Variants in PHKG1 observed in about 807,000 individuals in gnomAD.
PHKG1 encodes phosphorylase kinase catalytic subunit gamma 1.
A neutral mutation model predicts 50.5 loss-of-function variants in PHKG1; 48 were observed. The observed-to-expected ratio is 0.95, with a 90% CI of 0.75 to 1.21. The LOEUF is 1.21. Ranked by LOEUF, PHKG1 falls within the 50% of genes most tolerant of loss-of-function variation. The pLI is 0.00. For missense variants in PHKG1, 487 were observed against 519.5 expected, an observed-to-expected ratio of 0.94 and a Z score of 0.61; for synonymous variants, 204 against 212.8, an observed-to-expected ratio of 0.96 and a Z score of 0.36.
rs1178308673 is a variant in PHKG1, at chr7:56,083,665, C to G, written c.368G>C (p.Ser123Thr). Residue 123 changes from serine (S) to threonine (T), a missense_variant, in exon 5 of 10, where the codon AGT (serine) becomes ACT (threonine). Physicochemically the swap from Ser to Thr is moderately conservative, Grantham distance 58. Coordinates refer to ENST00000297373, the MANE Select transcript of PHKG1 (RefSeq NM_006213.5). ...FDYLTEKVTLSEKETRKIMRA... is the reference protein window; with the variant it reads ...FDYLTEKVTLTEKETRKIMRA... ...GGACCCTCACCTGGTTTCCTTCTCA[C>G]TCAAGGTGACCTTCTCAGTGAGGTA... 7 of 1,584,220 alleles carry G rather than the reference C, an allele frequency of 4.4e-6. No homozygotes were observed. The highest frequency in any genetic ancestry group is 6.0e-6 in the Non-Finnish European group (7 of 1,162,412).
At chr7:56,084,711 AT>A in intron 4 of PHKG1, among the ~76,000 whole-genome samples, 1 of 152,206 alleles carries the variant, frequency 6.6e-6, no homozygotes, top group Non-Finnish European at 1.5e-5. Flanking sequence ...AATGGGAAGA[AT>A]CGGCTGTGCA....
At chr7:56,087,556 A>T in intron 3 of PHKG1, 42 bp downstream of exon 3, 1 of 1,588,080 alleles carries the variant, frequency 6.3e-7, no homozygotes, top group Non-Finnish European at 8.6e-7. Context: ...GGGCAGAATC[A>T]CAGGGGGGCA....
chr7:56,081,873 C>T lies in PHKG1; in HGVS notation c.792+20G>A. On this transcript the variant is annotated intron_variant, in intron 8 of 9. Coordinates refer to ENST00000297373, the MANE Select transcript of PHKG1 (RefSeq NM_006213.5). This position sits in a 1 kb window ranked among gnomAD's most constrained non-coding sequence, Gnocchi z 4.6. ...GCATCGCAGCCCTGAGCCCAGGAGCCAGTTGGCCTGGCCTCTCACCAGGTC... is the reference window on the plus strand; with the variant it reads ...GCATCGCAGCCCTGAGCCCAGGAGCTAGTTGGCCTGGCCTCTCACCAGGTC... The T allele has an allele frequency of 6.2e-7, 1 of 1,612,818 alleles. No homozygotes were observed. The highest frequency in any genetic ancestry group is 8.5e-7 in the Non-Finnish European group (1 of 1,179,644).
Position 56,083,728 on chromosome 7 carries a change from AG to A in PHKG1, c.318-14del, listed in dbSNP as rs781353551. ...CCCTCTCTTCATCCTGTGGAAACAG[AG>A]GGTTGATAGCTGGATCGGTCCCAAG... is the stretch of plus-strand genomic sequence containing the variant. On this transcript the variant is annotated splice_polypyrimidine_tract_variant and intron_variant, in intron 4 of 9. Transcript: ENST00000297373. The A allele has an allele frequency of 7.1e-6, 11 of 1,558,516 alleles. No homozygotes were observed. The highest frequency in any genetic ancestry group is 5.5e-5 in the Admixed American group (3 of 54,178).
intron 3 of PHKG1, among the ~76,000 whole-genome samples, chr7:56,087,306 C>CA (rs1300940158): frequency 6.6e-6 from 1 of 151,766 alleles, no homozygotes; most frequent in Non-Finnish European, 1.5e-5. Context: ...ACTGCAGCCT[C>CA]AAACTACTGG....
chr7:56,081,608 C>T lies in PHKG1; in HGVS notation c.918+22G>A, dbSNP rs1467841467. On this transcript the variant is annotated intron_variant, in intron 9 of 9. Coordinates refer to ENST00000297373, the MANE Select transcript of PHKG1 (RefSeq NM_006213.5). The surrounding 1 kb of genome is among the most constrained non-coding windows in gnomAD (Gnocchi z 4.6). ...GGTTTGCACTTAGGGAGCTGGCGGG[C>T]CTGGATCAGGACGCTTAGTACCTTG... The T allele has an allele frequency of 1.2e-6, 2 of 1,611,506 alleles. No homozygotes were observed. Among genetic ancestry groups the T allele is most frequent in the African/African-American group, 1.3e-5 (1 of 74,964 alleles).
In PHKG1 at chr7:56,088,853, C is replaced by T. The variant is rs754734900; in HGVS notation, c.83+6G>A. 1 of 1,608,686 alleles carries T rather than the reference C, an allele frequency of 6.2e-7. No individual in the cohort carries two copies. Among genetic ancestry groups the T allele is most frequent in the Admixed American group, 1.7e-5 (1 of 59,966 alleles). ...CAGCACTTCGTGGGGAAAGCTTGGGCTTTACCTGCCCAGGATCTCTTTGGG... is the reference window on the plus strand; with the variant it reads ...CAGCACTTCGTGGGGAAAGCTTGGGTTTTACCTGCCCAGGATCTCTTTGGG... On this transcript the variant is annotated splice_donor_region_variant and intron_variant, in intron 2 of 9. Transcript: ENST00000297373.
intron 4 of PHKG1, chr7:56,084,346 G>T: frequency 3.3e-6 from 2 of 599,458 alleles, no homozygotes; most frequent in Non-Finnish European, 5.8e-6. Context: ...CCCAGACCCA[G>T]ATCAGAAGGA....
In PHKG1 at chr7:56,081,623, T is replaced by C; in HGVS notation, c.918+7A>G. 1.2e-6 allele frequency: 2 copies of C among 1,613,358 alleles called. No individual in the cohort carries two copies. Among genetic ancestry groups the C allele is most frequent in the South Asian group, 2.2e-5 (2 of 91,058 alleles). ...AGCTGGCGGGCCTGGATCAGGACGC[T>C]TAGTACCTTGAACTTCCCCCGGGGG... On this transcript the variant is annotated splice_region_variant and intron_variant, in intron 9 of 9. Coordinates refer to ENST00000297373, the MANE Select transcript of PHKG1 (RefSeq NM_006213.5). The surrounding 1 kb of genome is among the most constrained non-coding windows in gnomAD (Gnocchi z 4.6).
Position 56,081,322 on chromosome 7 carries a change from TG to T in PHKG1, c.919-24del, listed in dbSNP as rs1795974730. The T allele has an allele frequency of 6.9e-6, 11 of 1,589,576 alleles. No individual in the cohort carries two copies. Among genetic ancestry groups the T allele is most frequent in the Non-Finnish European group, 9.4e-6 (11 of 1,173,612 alleles). ...CACCTGCAGGGCCAGGCGGAGAAGC[TG>T]GGCTGCAGCCCCCGCCCTGCCAGGC... On this transcript the variant is annotated intron_variant, in intron 9 of 9. Transcript: ENST00000297373. This position sits in a 1 kb window ranked among gnomAD's most constrained non-coding sequence, Gnocchi z 4.6.
At chr7:56,086,777 C>T in intron 4 of PHKG1, 193 bp downstream of exon 4, 1 of 593,782 alleles carries the variant, frequency 1.7e-6, no homozygotes. Flanking sequence ...AATGATCCAG[C>T]CCACAAGTGG....
At chr7:56,082,680 C>G (rs925214117) in intron 6 of PHKG1, among the ~76,000 whole-genome samples, 1 of 152,152 alleles carries the variant, frequency 6.6e-6, no homozygotes, top group Non-Finnish European at 1.5e-5. Flanking sequence ...CATCCACCAA[C>G]TTCAGGGCCC....
chr7:56,082,329 A>G (rs1398225244), intron 6 of PHKG1, 76 bp from the exon 7 acceptor site: 3 of 1,146,832 alleles, frequency 2.6e-6, no homozygotes, highest in African/African-American at 3.1e-5. Context: ...GCAGTGGCTC[A>G]TTTCTATAAT....
rs567095323 is a variant in PHKG1 at position 56,091,262 on chromosome 7, A to G, written c.-35+1574T>C. Among the ~76,000 whole-genome samples the G allele has an allele frequency of 2.5e-3, 376 of 152,112 alleles. 1 individual carries two copies. The highest frequency in any genetic ancestry group is 3.9e-3 in the Admixed American group (60 of 15,264). ...CTGGGCGCAGTGGCTCATGCCTGTA[A>G]TCCCAGCACTTTGGGAGGCCGAGGC... On this transcript the variant is annotated intron_variant, in intron 1 of 9. Coordinates refer to ENST00000297373, the MANE Select transcript of PHKG1 (RefSeq NM_006213.5).
intron 1 of PHKG1, among the ~76,000 whole-genome samples, chr7:56,091,620 C>T (rs1208983425): frequency 1.3e-5 from 2 of 152,236 alleles, no homozygotes; most frequent in Non-Finnish European, 2.9e-5. Flanking sequence ...ACCTGCCACT[C>T]AGCAGTGCCA....
At chr7:56,087,053 A>T (rs1402002403) in intron 3 of PHKG1, 29 bp from the exon 4 acceptor site, 1 of 1,594,114 alleles carries the variant, frequency 6.3e-7, no homozygotes, top group African/African-American at 1.3e-5. Context: ...GCTTGTCTCA[A>T]GTAGCAGGGG....
At chr7:56,085,781 A>G (rs963616190) in intron 4 of PHKG1, among the ~76,000 whole-genome samples, 2 of 151,988 alleles carry the variant, frequency 1.3e-5, no homozygotes, top group African/African-American at 2.4e-5. Context: ...ACTGGCCAAC[A>G]TGGCAAAACC....
At chr7:56,091,108 G>A (rs1050815630) in intron 1 of PHKG1, among the ~76,000 whole-genome samples, 1 of 152,180 alleles carries the variant, frequency 6.6e-6, no homozygotes, top group African/African-American at 2.4e-5. Flanking sequence ...CAGCTACTTG[G>A]AAGGCTGAGG....
In PHKG1 at chr7:56,087,629, G is replaced by C. The variant is rs780846650; in HGVS notation, c.231C>G (p.Ile77Met). The change falls in exon 3 of 10, where the codon ATC (isoleucine) becomes ATG (methionine). Residue 77 changes from isoleucine (I) to methionine (M), a missense_variant. By Grantham distance (10) the Ile-to-Met change is conservative (BLOSUM62 1). Coordinates refer to ENST00000297373, the MANE Select transcript of PHKG1 (RefSeq NM_006213.5). Reference protein sequence around the residue: ...LREATLKEVDILRKVSGHPNI... With the variant: ...LREATLKEVDMLRKVSGHPNI... The stretch of plus-strand genomic sequence containing the variant: ...TGGGGTGCCCTGAGACCTTGCGCAG[G>C]ATGTCCACCTCCTTCAGCGTGGCTT... 1 of 1,613,916 alleles carries C rather than the reference G, an allele frequency of 6.2e-7. No individual in the cohort carries two copies. Among genetic ancestry groups the C allele is most frequent in the South Asian group, 1.1e-5 (1 of 91,078 alleles).
Sources: gnomAD v4.1 joint callset for allele counts (sites outside exome capture counted in the v4.1 genomes callset) on GRCh38, gnomAD v4.1.1 for gene constraint, Gnocchi (gnomAD v3.1) non-coding constraint, MANE v1.5 for transcripts, NCBI Gene and HGNC (gene_info 2026-07-23, HGNC 2026-07-21) for gene names.